The following EXOC6B variants were observed in gnomAD, a reference collection of about 807,000 sequenced individuals.
The protein encoded by EXOC6B is SEC15 homolog B.
In EXOC6B, 54 loss-of-function variants were observed where a neutral mutation model predicts 113.5. That is an observed-to-expected ratio of 0.48 (90% CI 0.38 to 0.60). EXOC6B has a LOEUF of 0.60. Among genes scored for constraint, EXOC6B ranks in the 20% least tolerant of loss-of-function variants. The pLI, the probability that EXOC6B is intolerant of heterozygous loss-of-function variation, is 0.00. For synonymous variants in EXOC6B, 357 were observed against 339.0 expected (o/e 1.05, Z -0.58); for missense variants, 797 against 977.5 (o/e 0.82, Z 2.46).
chr2:72,654,748 A>C (rs1370627126), intron 6 of EXOC6B, among the ~76,000 whole-genome samples: 1 of 152,210 alleles, frequency 6.6e-6, no homozygotes, highest in African/African-American at 2.4e-5. Context: ...CCATACATCA[A>C]GACTGCCACA....
At chr2:72,282,553 G>C (rs1208534792) in intron 20 of EXOC6B, among the ~76,000 whole-genome samples, 2 of 151,214 alleles carry the variant, frequency 1.3e-5, no homozygotes, top group African/African-American at 2.4e-5. Flanking sequence ...AAGTATAAGA[G>C]TATATTTAAA....
chr2:72,601,124 A>ATGTGTG (rs61668760), intron 6 of EXOC6B, among the ~76,000 whole-genome samples: 79 of 138,678 alleles, frequency 5.7e-4, no homozygotes, highest in Non-Finnish European at 8.2e-4. Flanking sequence ...GTGTGTGTGT[A>ATGTGTG]TGTGTGTGTG....
chr2:72,291,066 A>G (rs1685756068), intron 20 of EXOC6B, among the ~76,000 whole-genome samples: 1 of 152,198 alleles, frequency 6.6e-6, no homozygotes, highest in South Asian at 2.1e-4. Context: ...TGTAAATTCC[A>G]TAGCTCATAA....
intron 7 of EXOC6B, among the ~76,000 whole-genome samples, chr2:72,566,247 T>G (rs939851121): frequency 3.3e-5 from 5 of 152,146 alleles, no homozygotes; most frequent in Non-Finnish European, 7.4e-5. Context: ...AGTTTTGACT[T>G]TTTAGGATTG....
At chr2:72,330,164 A>G (rs1226377719) in intron 20 of EXOC6B, among the ~76,000 whole-genome samples, 1 of 152,116 alleles carries the variant, frequency 6.6e-6, no homozygotes, top group East Asian at 1.9e-4. Context: ...TGTTACTAAG[A>G]AAAGGAACAC....
intron 20 of EXOC6B, among the ~76,000 whole-genome samples, chr2:72,194,706 G>A (rs1274804241): frequency 6.6e-6 from 1 of 152,074 alleles, no homozygotes; most frequent in East Asian, 1.9e-4. Flanking sequence ...GAAGCAAGAA[G>A]GCTGGAGGTG....
At chr2:72,521,002 C>T (rs1004143151) in intron 8 of EXOC6B, among the ~76,000 whole-genome samples, 2 of 152,120 alleles carry the variant, frequency 1.3e-5, no homozygotes, top group Non-Finnish European at 2.9e-5. Flanking sequence ...TTGCCAACTG[C>T]TATGGTCTGA....
At chr2:72,648,943 C>A (rs1426059014) in intron 6 of EXOC6B, among the ~76,000 whole-genome samples, 1 of 152,040 alleles carries the variant, frequency 6.6e-6, no homozygotes, top group Non-Finnish European at 1.5e-5. Flanking sequence ...CAGTTCAAGA[C>A]CAGCCTTGAC....
At chr2:72,382,340 G>A (rs929858361) in intron 18 of EXOC6B, among the ~76,000 whole-genome samples, 4 of 152,106 alleles carry the variant, frequency 2.6e-5, no homozygotes, top group African/African-American at 7.2e-5. Context: ...TCAGATGGTC[G>A]TAAGTGTGTG....
chr2:72,823,598 A>G (rs1686724566), intron 1 of EXOC6B, among the ~76,000 whole-genome samples: 1 of 152,050 alleles, frequency 6.6e-6, no homozygotes, highest in African/African-American at 2.4e-5. Context: ...AGCTTGGGCA[A>G]CATGGTGAAA....
At chr2:72,461,742 G>A (rs1697692452) in intron 18 of EXOC6B, 1 of 151,882 alleles carries the variant, frequency 6.6e-6, no homozygotes, top group Admixed American at 6.6e-5. Context: ...ACATTTTAAG[G>A]GGTTTCTGAG....
intron 18 of EXOC6B, among the ~76,000 whole-genome samples, chr2:72,457,739 C>G (rs1697332415): frequency 6.6e-6 from 1 of 152,048 alleles, no homozygotes; most frequent in African/African-American, 2.4e-5. Flanking sequence ...CATCTGTTAA[C>G]TCAAGGGAAA....
intron 6 of EXOC6B, among the ~76,000 whole-genome samples, chr2:72,618,986 C>A (rs1253114805): frequency 6.6e-6 from 1 of 152,102 alleles, no homozygotes; most frequent in African/African-American, 2.4e-5. Flanking sequence ...TCTAGGCCAA[C>A]CGAGTAAAAT....
chr2:72,279,641 T>C (rs1685011128), intron 20 of EXOC6B, among the ~76,000 whole-genome samples: 1 of 152,194 alleles, frequency 6.6e-6, no homozygotes, highest in African/African-American at 2.4e-5. Context: ...TGAGACAAGG[T>C]CTGGCTCTGT....
At position 72,245,076 on chromosome 2, in the gene EXOC6B, T is replaced by A. The variant is rs560408858; in HGVS notation, c.2197-60889A>T. Among the ~76,000 whole-genome samples the A allele has an allele frequency of 3.8e-4, 58 of 152,264 alleles. No homozygotes were observed. The South Asian group carries it at 0.012, about 32-fold the overall frequency. Reference sequence around the variant, plus strand: ...AGCTCTTTCCAACTTGATCTATAGTTTCAATACAATCCCAATAAAATCCCA... The same window carrying A: ...AGCTCTTTCCAACTTGATCTATAGTATCAATACAATCCCAATAAAATCCCA... On this transcript the variant is annotated intron_variant, in intron 20 of 21. Transcript: ENST00000272427.
At chr2:72,191,583 A>G (rs1221331389) in intron 20 of EXOC6B, among the ~76,000 whole-genome samples, 1 of 152,190 alleles carries the variant, frequency 6.6e-6, no homozygotes, top group African/African-American at 2.4e-5. Flanking sequence ...ACTAGGCCAA[A>G]TTTCTGAACA....
chr2:72,375,550 A>G (rs1453859780), intron 19 of EXOC6B, among the ~76,000 whole-genome samples: 1 of 152,206 alleles, frequency 6.6e-6, no homozygotes, highest in Non-Finnish European at 1.5e-5. Context: ...AGTAAACAAC[A>G]CATTTCCAAA....
intron 6 of EXOC6B, among the ~76,000 whole-genome samples, chr2:72,618,037 T>C (rs1330977275): frequency 6.6e-6 from 1 of 152,132 alleles, no homozygotes; most frequent in Non-Finnish European, 1.5e-5. Flanking sequence ...TGTTGAAATT[T>C]ACCTGAGCCC....
intron 18 of EXOC6B, among the ~76,000 whole-genome samples, chr2:72,384,374 A>C (rs779137571): frequency 6.6e-6 from 1 of 152,048 alleles, no homozygotes; most frequent in Non-Finnish European, 1.5e-5. Context: ...AACTTAATAC[A>C]TTAAAAGCCA....
Sources: allele counts gnomAD v4.1 joint callset (sites outside exome capture counted in the v4.1 genomes callset), GRCh38; gene constraint gnomAD v4.1.1; transcripts MANE v1.5; gene names NCBI Gene and HGNC (gene_info 2026-07-23, HGNC 2026-07-21).